Variants in PLOD3 observed in about 807,000 individuals in gnomAD.
PLOD3 encodes multifunctional procollagen lysine hydroxylase and glycosyltransferase LH3.
In PLOD3, 73 loss-of-function variants were observed where a neutral mutation model predicts 96.9. That is an observed-to-expected ratio of 0.75 (90% CI 0.62 to 0.92). The LOEUF (loss-of-function observed/expected upper bound fraction) is 0.92. PLOD3 is among the 40% of genes least tolerant of loss of function. PLOD3 has a pLI of 0.00. For missense variants in PLOD3, 1,004 were observed against 1,004.3 expected (o/e 1.00, Z 0.00); for synonymous variants, 454 against 413.7 (o/e 1.10, Z -1.18).
In PLOD3 at chr7:101,208,845, G is replaced by A. The variant is rs1798132569; in HGVS notation, c.1788+8C>T. 6 of 1,579,752 alleles carry A rather than the reference G, an allele frequency of 3.8e-6. No homozygotes were observed. Among genetic ancestry groups the A allele is most frequent in the African/African-American group, 1.3e-5 (1 of 74,204 alleles). On this transcript the variant is annotated splice_region_variant and intron_variant, in intron 16 of 18. Coordinates refer to ENST00000223127, the MANE Select transcript of PLOD3 (RefSeq NM_001084.5). Reference sequence around the variant, plus strand: ...GAAGGCCTCTGCCCTCCTCGCCCAGGCCCTTACCTCATGCCGGCCGCCTGA... The same window carrying A: ...GAAGGCCTCTGCCCTCCTCGCCCAGACCCTTACCTCATGCCGGCCGCCTGA...
At chr7:101,209,083 C>A in intron 15 of PLOD3, 126 bp from the exon 16 acceptor site, 1 of 737,198 alleles carries the variant, frequency 1.4e-6, no homozygotes. Context: ...GCCGGGGACC[C>A]GCCAGGTAGG....
At chr7:101,210,264 AC>A in intron 14 of PLOD3, 66 bp downstream of exon 14, 1 of 1,510,286 alleles carries the variant, frequency 6.6e-7, no homozygotes, top group Non-Finnish European at 9.1e-7. Context: ...AGCAGCCATC[AC>A]GTTTGGTGTC....
Position 101,217,421 on chromosome 7 carries a change from GA to G in PLOD3, c.-148del. ...AGCAGCTTGGCTGGGGCTACGCCCT[GA>G]AAAAAAGGCGTATCCGGAGGCTACA... On this transcript the variant is annotated 5_prime_UTR_variant, in exon 1 of 19. The change abolishes the stop of an existing upstream ORF in the 5' untranslated region. Transcript: ENST00000223127. 31 of 719,434 alleles carry G rather than the reference GA, an allele frequency of 4.3e-5. No individual in the cohort carries two copies. Among genetic ancestry groups the G allele is most frequent in the Admixed American group, 1.2e-4 (3 of 26,022 alleles). 44.6% of individuals were successfully genotyped at this position (719,434 alleles called of 1,614,324 possible). A position where few individuals can be genotyped will look rare whatever the true frequency, so the allele number is the denominator to read the frequency against.
At chr7:101,217,021 G>C in intron 1 of PLOD3, 145 bp downstream of exon 1, 1 of 956,890 alleles carries the variant, frequency 1.0e-6, no homozygotes, top group Non-Finnish European at 1.5e-6. Flanking sequence ...GATGGGCGAG[G>C]GGCTTGGCGC....
chr7:101,213,048 G>GTA (rs1355754250), intron 7 of PLOD3, 59 bp downstream of exon 7: 4 of 1,096,372 alleles, frequency 3.6e-6, no homozygotes, highest in Non-Finnish European at 5.3e-6. Flanking sequence ...TCTCAGAAGG[G>GTA]TTGGAGGTGC....
rs1221263892 is a variant in PLOD3 at position 101,217,425 on chromosome 7, A to C, written c.-151T>G. On this transcript the variant is annotated 5_prime_UTR_variant, in exon 1 of 19. Coordinates refer to ENST00000223127, the MANE Select transcript of PLOD3 (RefSeq NM_001084.5). ...GCTTGGCTGGGGCTACGCCCTGAAA[A>C]AAAGGCGTATCCGGAGGCTACAGAA... The C allele has an allele frequency of 2.6e-5, 18 of 691,392 alleles. No homozygotes were observed. 42.8% of individuals were successfully genotyped at this position (691,392 alleles called of 1,614,324 possible).
intron 6 of PLOD3, chr7:101,213,432 G>A (rs555077334): frequency 1.6e-3 from 940 of 590,968 alleles, no homozygotes; most frequent in Non-Finnish European, 2.6e-3. Context: ...GGGCGAGGAA[G>A]GGGAGGGTGA....
At chr7:101,216,625 C>G in intron 2 of PLOD3, 70 bp downstream of exon 2, 1 of 1,608,110 alleles carries the variant, frequency 6.2e-7, no homozygotes, top group Non-Finnish European at 8.5e-7. Context: ...ACCGTGGGGA[C>G]CTGGGCATCC....
rs763817407 is a variant in PLOD3, at chr7:101,206,497, G to GATAC, written c.2062-65_2062-62dup. ...AGACGTGGGGCCTGGGGAGCAGGCA[G>GATAC]ATACACGGGGCAGGGCGGCCAGACC... On this transcript the variant is annotated intron_variant, in intron 18 of 18. Coordinates refer to ENST00000223127, the MANE Select transcript of PLOD3 (RefSeq NM_001084.5). 51 of 1,487,984 alleles carry GATAC rather than the reference G, an allele frequency of 3.4e-5. 1 individual carries two copies. Among genetic ancestry groups the GATAC allele is most frequent in the Non-Finnish European group, 4.4e-5 (48 of 1,094,024 alleles). 92.2% of individuals were successfully genotyped at this position (1,487,984 alleles called of 1,614,324 possible). A position where few individuals can be genotyped will look rare whatever the true frequency, so the allele number is the denominator to read the frequency against.
Position 101,216,741 on chromosome 7 carries a change from TA to T in PLOD3, c.154del (p.Tyr52ThrfsTer42). On this transcript the variant is annotated frameshift_variant, in exon 2 of 19. Transcript: ENST00000223127. LOFTEE classifies it high-confidence loss of function. Reference protein sequence around the residue: ...ITVATAETEGYLRFLRSAEFF... With the variant: ...ITVATAETEGXLRFLRSAEFF... ...CTCCGCAGAGCGCAGGAAACGCAGG[TA>T]CCCCTCGGTTTCAGCTGTGGCCACA... is the stretch of plus-strand genomic sequence containing the variant. 2 of 1,614,016 alleles carry T rather than the reference TA, an allele frequency of 1.2e-6. No individual in the cohort carries two copies.
chr7:101,214,399 G>C (rs1798235385), intron 6 of PLOD3, among the ~76,000 whole-genome samples: 1 of 151,854 alleles, frequency 6.6e-6, no homozygotes, highest in Non-Finnish European at 1.5e-5. Context: ...CCAAAATGTT[G>C]GGATTACAGG....
In PLOD3 at chr7:101,206,409, C is replaced by T. The variant is rs199647243; in HGVS notation, c.2089G>A (p.Asp697Asn). 9 of 1,612,722 alleles carry T rather than the reference C, an allele frequency of 5.6e-6. No homozygotes were observed. Among genetic ancestry groups the T allele is most frequent in the African/African-American group, 2.7e-5 (2 of 74,964 alleles). ...TTCCTCGGGGAGGAGATCACACAGT[C>T]GTAGCGCAGGAAGCGGCAGCCACCT... is the stretch of plus-strand genomic sequence containing the variant. The part of the protein sequence containing the change: ...EGGGCRFLRY[D>N]CVISSPRKGW... The change falls in exon 19 of 19, where the codon GAC (aspartate) becomes AAC (asparagine). Residue 697 changes from aspartate (D) to asparagine (N), a missense_variant. This residue lies in a region of PLOD3 where 222 missense variants were observed against 220.4 expected (regional missense o/e 1.01). Transcript: ENST00000223127.
In PLOD3 at chr7:101,216,698, C is replaced by T; in HGVS notation, c.198G>A (p.Val66=). ...LRSAEFFNYT[V]RTLGLGEEWR... The stretch of plus-strand genomic sequence containing the variant: ...AGGGGCCTTTCCCTCTCCTCACCCG[C>T]ACAGTGTAGTTGAAGAACTCCGCAG... The change falls in exon 2 of 19, where the codon GTG becomes GTA. Residue 66 remains valine, a synonymous_variant. Transcript: ENST00000223127. 1.2e-6 allele frequency: 2 copies of T among 1,613,620 alleles called. No individual in the cohort carries two copies. Among genetic ancestry groups the T allele is most frequent in the Non-Finnish European group, 1.7e-6 (2 of 1,179,568 alleles).
intron 6 of PLOD3, 200 bp from the exon 7 acceptor site, chr7:101,213,404 C>T (rs985842556): frequency 9.5e-6 from 6 of 629,510 alleles, no homozygotes; most frequent in East Asian, 2.8e-5. Flanking sequence ...CTACTACCTG[C>T]GTGATCACAC....
At position 101,206,215 on chromosome 7, in the gene PLOD3, C is replaced by T. The variant is rs1363511544; in HGVS notation, c.*66G>A. The T allele has an allele frequency of 6.6e-7, 1 of 1,524,296 alleles. No homozygotes were observed. The highest frequency in any genetic ancestry group is 1.4e-5 in the African/African-American group (1 of 73,254). 94.4% of individuals were successfully genotyped at this position (1,524,296 alleles called of 1,614,324 possible). A position where few individuals can be genotyped will look rare whatever the true frequency, so the allele number is the denominator to read the frequency against. ...ACAGAGAGACCCATCCCCCAACTCCCAGGACGGGGGCCAGGCCCCCTAAAA... is the reference window on the plus strand; with the variant it reads ...ACAGAGAGACCCATCCCCCAACTCCTAGGACGGGGGCCAGGCCCCCTAAAA... On this transcript the variant is annotated 3_prime_UTR_variant, in exon 19 of 19. Transcript: ENST00000223127.
Position 101,206,178 on chromosome 7 carries a change from G to A in PLOD3, c.*103C>T. ...TTCAGGCACGCGGAACATGAACTCA[G>A]GAAGTGGGGAGACAGAGAGACCCAT... is the stretch of plus-strand genomic sequence containing the variant. On this transcript the variant is annotated 3_prime_UTR_variant, in exon 19 of 19. Transcript: ENST00000223127. 8.6e-7 allele frequency: 1 copy of A among 1,164,104 alleles called. No individual in the cohort carries two copies. The highest frequency in any genetic ancestry group is 1.3e-6 in the Non-Finnish European group (1 of 770,890). The allele number at this position is 1,164,104 out of a possible 1,614,324, so 72.1% of individuals were successfully genotyped here.
Position 101,206,265 on chromosome 7 carries a change from G to T in PLOD3, c.*16C>A, listed in dbSNP as rs760864559. Reference sequence around the variant, plus strand: ...AAGGCACAATGGCAGGGCAGGTTTGGCAGAGTGGTTGAGTGTCAGGGGTCG... The same window carrying T: ...AAGGCACAATGGCAGGGCAGGTTTGTCAGAGTGGTTGAGTGTCAGGGGTCG... On this transcript the variant is annotated 3_prime_UTR_variant, in exon 19 of 19. Coordinates refer to ENST00000223127, the MANE Select transcript of PLOD3 (RefSeq NM_001084.5). The T allele has an allele frequency of 3.1e-6, 5 of 1,613,408 alleles. No homozygotes were observed. The East Asian group carries it at 1.1e-4, about 36-fold the overall frequency.
intron 6 of PLOD3, 163 bp from the exon 7 acceptor site, chr7:101,213,367 G>T: frequency 1.5e-6 from 1 of 683,864 alleles, no homozygotes; most frequent in Non-Finnish European, 2.7e-6. Flanking sequence ...GTTCTGACCA[G>T]GCTGCTGGCC....
chr7:101,213,951 G>T (rs574810637), intron 6 of PLOD3, among the ~76,000 whole-genome samples: 1 of 151,778 alleles, frequency 6.6e-6, no homozygotes, highest in African/African-American at 2.4e-5. Flanking sequence ...CACCTGCCTC[G>T]GCCTCCCAAA....
Sources: gnomAD v4.1 joint callset for allele counts (sites outside exome capture counted in the v4.1 genomes callset) on GRCh38, gnomAD v4.1.1 for gene constraint, gnomAD v4.1.1 regional missense constraint, MANE v1.5 for transcripts, NCBI Gene and HGNC (gene_info 2026-07-23, HGNC 2026-07-21) for gene names.